Variants in TICRR observed in about 807,000 individuals in gnomAD.
TICRR encodes TOPBP1 interacting checkpoint and replication regulator.
Under a neutral mutation model 178.1 loss-of-function variants are expected in TICRR, and 132 were observed. The observed-to-expected ratio is 0.74, with a 90% CI of 0.64 to 0.86. TICRR has a LOEUF of 0.86. Ranked by LOEUF, TICRR falls within the 40% of genes least tolerant of loss-of-function variation. The pLI is 0.00. For missense variants in TICRR, 2,587 were observed against 2,334.3 expected (o/e 1.11, Z -2.23); for synonymous variants, 991 against 900.7 (o/e 1.10, Z -1.79).
chr15:89,619,951 T>C, intron 18 of TICRR, 109 bp downstream of exon 18: 1 of 1,336,544 alleles, frequency 7.5e-7, no homozygotes, highest in Non-Finnish European at 1.0e-6. Context: ...ATTGGAGAAG[T>C]AGAATAGGTA....
At chr15:89,589,066 T>TA (rs1271661083) in intron 4 of TICRR, among the ~76,000 whole-genome samples, 1 of 151,670 alleles carries the variant, frequency 6.6e-6, no homozygotes, top group East Asian at 1.9e-4. Context: ...ATTGAGGACA[T>TA]AGGGGATTTT....
chr15:89,605,368 A>AT (rs1963159299), intron 13 of TICRR, among the ~76,000 whole-genome samples: 1 of 152,056 alleles, frequency 6.6e-6, no homozygotes, highest in South Asian at 2.1e-4. Flanking sequence ...TATGACTTTT[A>AT]TTTTTATTTT....
chr15:89,591,248 C>T lies in TICRR; in HGVS notation c.1412-799C>T, dbSNP rs1191596840. ...TCAAGCTTCTCCTGCCTGAACCTCCCGAATAGCTAGGAATACAGGCACCTG... is the reference window on the plus strand; with the variant it reads ...TCAAGCTTCTCCTGCCTGAACCTCCTGAATAGCTAGGAATACAGGCACCTG... On this transcript the variant is annotated intron_variant, in intron 4 of 21. Coordinates refer to ENST00000268138, the MANE Select transcript of TICRR (RefSeq NM_152259.4). 4.6e-5 allele frequency among the ~76,000 whole-genome samples: 7 copies of T among 152,200 alleles called. No individual in the cohort carries two copies. In the East Asian group the frequency reaches 5.8e-4, roughly 13 times the overall value.
rs776797416 is a variant in TICRR, at chr15:89,608,798, T to G, written c.2723-5T>G. 23 of 1,598,052 alleles carry G rather than the reference T, an allele frequency of 1.4e-5. No individual in the cohort carries two copies. In the African/African-American group the frequency reaches 3.1e-4, roughly 22 times the overall value. ...TCTTTTTCTTTTAATTTTTGATGCT[T>G]TCAGAAGTGACCAAAGTTCGAAGAA... On this transcript the variant is annotated splice_polypyrimidine_tract_variant and splice_region_variant and intron_variant, in intron 14 of 21. Coordinates refer to ENST00000268138, the MANE Select transcript of TICRR (RefSeq NM_152259.4).
chr15:89,620,784 G>A (rs191549461), intron 18 of TICRR, among the ~76,000 whole-genome samples: 133 of 151,992 alleles, frequency 8.8e-4, no homozygotes, highest in East Asian at 3.7e-3. Flanking sequence ...GTGCAGTGGC[G>A]CAATCTTGGC....
chr15:89,575,889 C>A lies in TICRR; in HGVS notation c.303C>A (p.His101Gln), dbSNP rs200014273. The A allele has an allele frequency of 2.6e-4, 415 of 1,587,702 alleles. 2 individuals are homozygous for A. The African/African-American group carries it at 4.8e-3, about 18-fold the overall frequency. Residue 101 changes from histidine to glutamine, a missense_variant, in exon 1 of 22, where the codon CAC (histidine) becomes CAA (glutamine). Transcript: ENST00000268138. The stretch of plus-strand genomic sequence containing the variant: ...CGGCGCCCAGGGCCACCCACACGCA[C>A]GGCGCCCTGATGGAGACGCTGCTAG... ...PGPAPRATHT[H>Q]GALMETLLDY...
chr15:89,625,110 C>A lies in TICRR; in HGVS notation c.4800C>A (p.Ser1600Arg). ...SKEESSLGEE[S>R]FLPALSMPRA... is the part of the protein sequence containing the mutation. ...AGGAGAGCTCTCTGGGAGAAGAGAG[C>A]TTCCTCCCTGCTCTCAGCATGCCCA... The change falls in exon 20 of 22, where the codon AGC becomes AGA. Residue 1600 changes from serine (S) to arginine (R), a missense_variant. By Grantham distance (110) the Ser-to-Arg change is moderately radical. Transcript: ENST00000268138. 1 of 1,613,900 alleles carries A rather than the reference C, an allele frequency of 6.2e-7. No homozygotes were observed. Among genetic ancestry groups the A allele is most frequent in the Non-Finnish European group, 8.5e-7 (1 of 1,179,978 alleles).
Position 89,600,553 on chromosome 15 carries a change from T to C in TICRR, c.2053-32T>C, listed in dbSNP as rs201466661. 101 of 1,024,386 alleles carry C rather than the reference T, an allele frequency of 9.9e-5. No individual in the cohort carries two copies. In the African/African-American group the frequency reaches 1.5e-3, roughly 15 times the overall value. 63.5% of individuals were successfully genotyped at this position (1,024,386 alleles called of 1,614,324 possible). A position where few individuals can be genotyped will look rare whatever the true frequency, so the allele number is the denominator to read the frequency against. ...AATTAGAAATAATGACAAGTAACAC[T>C]ATTCTCCTATGTAATAATTTTGTAT... On this transcript the variant is annotated intron_variant, in intron 8 of 21. Coordinates refer to ENST00000268138, the MANE Select transcript of TICRR (RefSeq NM_152259.4).
At chr15:89,605,657 C>T (rs1487355341) in intron 13 of TICRR, among the ~76,000 whole-genome samples, 1 of 152,184 alleles carries the variant, frequency 6.6e-6, no homozygotes, top group East Asian at 1.9e-4. Flanking sequence ...TGCGCCCAGC[C>T]GGATGTGTGA....
At chr15:89,602,967 G>T in intron 13 of TICRR, 75 bp downstream of exon 13, 1 of 620,046 alleles carries the variant, frequency 1.6e-6, no homozygotes, top group South Asian at 4.7e-5. Flanking sequence ...TTAGGAAAAT[G>T]AACTTTGGAG....
intron 4 of TICRR, among the ~76,000 whole-genome samples, chr15:89,587,065 G>T (rs763776880): frequency 6.6e-6 from 1 of 152,176 alleles, no homozygotes; most frequent in Non-Finnish European, 1.5e-5. Flanking sequence ...GTAGGGAGTT[G>T]GAAGTAGTTG....
intron 3 of TICRR, 59 bp downstream of exon 3, chr15:89,584,586 T>G: frequency 6.8e-7 from 1 of 1,476,052 alleles, no homozygotes; most frequent in Non-Finnish European, 9.0e-7. Flanking sequence ...TAAAGTGAAA[T>G]AAGTGTGTTT....
chr15:89,605,732 C>G (rs1037770891), intron 13 of TICRR, among the ~76,000 whole-genome samples: 2 of 152,166 alleles, frequency 1.3e-5, no homozygotes, highest in Non-Finnish European at 2.9e-5. Context: ...TAAGAATGAT[C>G]ACATCTCATG....
chr15:89,620,176 A>G lies in TICRR; in HGVS notation c.3154+334A>G, dbSNP rs555097358. ...CTGTGTTTACGTTCTTCATTCTTCTATCCATGGTTAGCTTGCTAATAGATT... is the reference window on the plus strand; with the variant it reads ...CTGTGTTTACGTTCTTCATTCTTCTGTCCATGGTTAGCTTGCTAATAGATT... On this transcript the variant is annotated intron_variant, in intron 18 of 21. Coordinates refer to ENST00000268138, the MANE Select transcript of TICRR (RefSeq NM_152259.4). 3.9e-5 allele frequency among the ~76,000 whole-genome samples: 6 copies of G among 152,204 alleles called. No individual in the cohort carries two copies. The South Asian group carries it at 6.2e-4, about 16-fold the overall frequency.
chr15:89,583,494 T>G (rs1197814783), intron 2 of TICRR, among the ~76,000 whole-genome samples: 1 of 152,212 alleles, frequency 6.6e-6, no homozygotes, highest in African/African-American at 2.4e-5. Flanking sequence ...TTTATAGAGA[T>G]ATGTACATAA....
intron 19 of TICRR, among the ~76,000 whole-genome samples, chr15:89,621,938 T>G (rs899138477): frequency 6.7e-6 from 1 of 150,106 alleles, no homozygotes; most frequent in East Asian, 1.9e-4. Flanking sequence ...TCCCCAGGCA[T>G]AGCCAATCAG....
In TICRR at chr15:89,595,464, G is replaced by C; in HGVS notation, c.1753G>C (p.Ala585Pro). 6.2e-7 allele frequency: 1 copy of C among 1,614,086 alleles called. No individual in the cohort carries two copies. Among genetic ancestry groups the C allele is most frequent in the Non-Finnish European group, 8.5e-7 (1 of 1,180,006 alleles). The change falls in exon 7 of 22, where the codon GCA (alanine) becomes CCA (proline). Residue 585 changes from alanine to proline, a missense_variant. Ala to Pro is a conservative substitution (Grantham distance 27). Transcript: ENST00000268138. ...MCRSLKMLNV[A>P]RLNVKAQKLH... Reference sequence around the variant, plus strand: ...CCGTTCCTTAAAGATGTTGAATGTCGCAAGGCTGAATGTGAAGGCCCAGAA... The same window carrying C: ...CCGTTCCTTAAAGATGTTGAATGTCCCAAGGCTGAATGTGAAGGCCCAGAA...
rs755245343 is a variant in TICRR, at chr15:89,624,467, G to C, written c.4157G>C (p.Arg1386Thr). The C allele has an allele frequency of 6.2e-7, 1 of 1,614,188 alleles. No homozygotes were observed. Among genetic ancestry groups the C allele is most frequent in the Admixed American group, 1.7e-5 (1 of 60,024 alleles). The change falls in exon 20 of 22, where the codon AGA becomes ACA. Residue 1386 changes from arginine (R) to threonine (T), a missense_variant. Physicochemically the swap from Arg to Thr is moderately conservative, Grantham distance 71. Transcript: ENST00000268138. ...PPPSKVGKRCRKTSDPRRSIV... is the reference protein window; with the variant it reads ...PPPSKVGKRCTKTSDPRRSIV... ...CCTTCTAAAGTTGGGAAACGGTGTA[G>C]AAAGACCTCTGATCCCAGAAGGAGC...
intron 13 of TICRR, among the ~76,000 whole-genome samples, chr15:89,606,237 C>G (rs1256582207): frequency 6.6e-6 from 1 of 152,188 alleles, no homozygotes; most frequent in East Asian, 1.9e-4. Flanking sequence ...CTCCCTATCA[C>G]AGATCTCTAT....
Sources: gnomAD v4.1 joint callset for allele counts (sites outside exome capture counted in the v4.1 genomes callset) on GRCh38, gnomAD v4.1.1 for gene constraint, MANE v1.5 for transcripts, NCBI Gene and HGNC (gene_info 2026-07-23, HGNC 2026-07-21) for gene names.